Variants in DNHD1 observed in about 807,000 individuals in gnomAD.
DNHD1 encodes dynein heavy chain domain-containing protein 1.
In DNHD1, 383 loss-of-function variants were observed where a neutral mutation model predicts 458.1. The observed-to-expected ratio is 0.84, with a 90% CI of 0.77 to 0.91. The LOEUF is 0.91. Ranked by LOEUF, DNHD1 falls within the 40% of genes least tolerant of loss-of-function variation. DNHD1 has a pLI of 0.00. For synonymous variants in DNHD1, 2,203 were observed against 2,376.9 expected (o/e 0.93, Z 2.13); for missense variants, 5,336 against 5,866.1 (o/e 0.91, Z 2.95).
chr11:6,512,251 C>T (rs549687446), intron 7 of DNHD1, among the ~76,000 whole-genome samples: 73 of 107,378 alleles, frequency 6.8e-4, no homozygotes, highest in South Asian at 3.4e-3. Flanking sequence ...GACGGAGTCT[C>T]GCTCTGTCAC....
At position 6,497,336 on chromosome 11, in the gene DNHD1, G is replaced by A. The variant is rs1449820380; in HGVS notation, c.-529+5G>A. On this transcript the variant is annotated splice_donor_5th_base_variant and intron_variant, in intron 1 of 42. Coordinates refer to ENST00000254579, the MANE Select transcript of DNHD1 (RefSeq NM_144666.3). ...TGGGTGCGGGTGGAGCTGCGGGTGA[G>A]TCCTCGGCTCCGGATCCATTTCTCT... The A allele has an allele frequency of 6.6e-6, 1 of 152,518 alleles. No individual in the cohort carries two copies. The highest frequency in any genetic ancestry group is 1.9e-4 in the East Asian group (1 of 5,188). The allele number at this position is 152,518 out of a possible 1,614,324, so 9.4% of individuals were successfully genotyped here. A position where few individuals can be genotyped will look rare whatever the true frequency, so the allele number is the denominator to read the frequency against.
At position 6,564,075 on chromosome 11, in the gene DNHD1, T is replaced by A; in HGVS notation, c.10235T>A (p.Met3412Lys). Reference protein sequence around the residue: ...AQCGQYHKWPMKAALLTPMRA... With the variant: ...AQCGQYHKWPKKAALLTPMRA... ...TGTGGGCAGTATCACAAATGGCCCA[T>A]GAAGGCTGCACTGCTCACGCCTATG... Residue 3412 changes from methionine (M) to lysine (K), a missense_variant, in exon 31 of 43, where the codon ATG (methionine) becomes AAG (lysine). Around this residue, in one of 4 missense-constraint regions of DNHD1, gnomAD observed 3,932 missense variants for 4,365.6 expected, o/e 0.90. Transcript: ENST00000254579. The A allele has an allele frequency of 6.4e-7, 1 of 1,551,634 alleles. No individual in the cohort carries two copies. The highest frequency in any genetic ancestry group is 8.7e-7 in the Non-Finnish European group (1 of 1,146,996).
rs1254700682 is a variant in DNHD1 at position 6,534,256 on chromosome 11, G to A, written c.2998+83G>A. ...TAAGAGTTGGAACTCAGGGTTCTGT[G>A]TCCTGTATGACCCCAAGCAAGCCTT... On this transcript the variant is annotated intron_variant, in intron 14 of 42. Transcript: ENST00000254579. 19 of 1,400,204 alleles carry A rather than the reference G, an allele frequency of 1.4e-5. No individual in the cohort carries two copies. In the South Asian group the frequency reaches 2.4e-4, roughly 18 times the overall value. The allele number at this position is 1,400,204 out of a possible 1,614,324, so 86.7% of individuals were successfully genotyped here. A position where few individuals can be genotyped will look rare whatever the true frequency, so the allele number is the denominator to read the frequency against.
chr11:6,533,646 G>T, intron 13 of DNHD1, 35 bp from the exon 14 acceptor site: 3 of 1,519,310 alleles, frequency 2.0e-6, no homozygotes, highest in Non-Finnish European at 2.7e-6. Context: ...ACATGGGGTT[G>T]TGGGGCTGCC....
chr11:6,508,740 T>A, intron 4 of DNHD1, 140 bp from the exon 5 acceptor site: 1 of 691,832 alleles, frequency 1.4e-6, no homozygotes. Context: ...TTAAAAATCA[T>A]TCTGCTCTCT....
intron 24 of DNHD1, among the ~76,000 whole-genome samples, chr11:6,554,427 G>A (rs1465395034): frequency 6.6e-6 from 1 of 151,892 alleles, no homozygotes; most frequent in Non-Finnish European, 1.5e-5. Flanking sequence ...TGATTTCTTG[G>A]GCACAAAAAC....
Position 6,533,024 on chromosome 11 carries a change from C to T in DNHD1, c.2348-3C>T. 1 of 1,551,460 alleles carries T rather than the reference C, an allele frequency of 6.4e-7. No homozygotes were observed. Among genetic ancestry groups the T allele is most frequent in the Non-Finnish European group, 8.7e-7 (1 of 1,146,904 alleles). ...CCCTCACACCTTACTCTCCTGTCTC[C>T]AGAATCCAAGCTGAACAGCATAAGG... On this transcript the variant is annotated splice_region_variant and splice_polypyrimidine_tract_variant and intron_variant, in intron 12 of 42. Transcript: ENST00000254579.
chr11:6,569,683 G>A (rs1396445100), intron 39 of DNHD1, among the ~76,000 whole-genome samples: 2 of 152,192 alleles, frequency 1.3e-5, no homozygotes, highest in African/African-American at 2.4e-5. Context: ...AGTCTCCAGG[G>A]AAGAGATTGT....
chr11:6,525,678 A>G (rs570553272), intron 10 of DNHD1, among the ~76,000 whole-genome samples: 2 of 152,336 alleles, frequency 1.3e-5, no homozygotes, highest in East Asian at 1.9e-4. Context: ...TTCTATGTTG[A>G]TAACAATTTG....
rs1283469132 is a variant in DNHD1 at position 6,558,145 on chromosome 11, T to C, written c.8850T>C (p.Asp2950=). 4 of 1,551,668 alleles carry C rather than the reference T, an allele frequency of 2.6e-6. No individual in the cohort carries two copies. The highest frequency in any genetic ancestry group is 3.5e-6 in the Non-Finnish European group (4 of 1,146,984). The change falls in exon 25 of 43, where the codon GAT becomes GAC. Residue 2950 remains aspartate, a synonymous_variant. Transcript: ENST00000254579. The part of the protein sequence containing the change: ...PVALLVPSGV[D]LTTLHRLLAL... The stretch of plus-strand genomic sequence containing the variant: ...CTCTGTTGGTACCCAGTGGTGTGGA[T>C]CTCACTACACTTCATCGCCTCCTGG...
chr11:6,564,678 C>T lies in DNHD1; in HGVS notation c.10630C>T (p.Pro3544Ser), dbSNP rs1279076746. 2 of 1,551,576 alleles carry T rather than the reference C, an allele frequency of 1.3e-6. No individual in the cohort carries two copies. The highest frequency in any genetic ancestry group is 1.4e-5 in the African/African-American group (1 of 73,058). The change falls in exon 32 of 43, where the codon CCC (proline) becomes TCC (serine). Residue 3544 changes from proline to serine, a missense_variant. Pro to Ser is a moderately conservative substitution (Grantham distance 74). This residue lies in a region of DNHD1 where 3,932 missense variants were observed against 4,365.6 expected (regional missense o/e 0.90). Transcript: ENST00000254579. ...AHLAGLLLRSPTHYSSCRWPL... is the reference protein window; with the variant it reads ...AHLAGLLLRSSTHYSSCRWPL... ...CCTGGCAGGCTTGCTTCTGCGAAGC[C>T]CCACACACTACAGTAGTTGCCGTTG...
chr11:6,566,674 T>G lies in DNHD1; in HGVS notation c.11294T>G (p.Ile3765Ser). 1 of 1,613,486 alleles carries G rather than the reference T, an allele frequency of 6.2e-7. No individual in the cohort carries two copies. The highest frequency in any genetic ancestry group is 8.5e-7 in the Non-Finnish European group (1 of 1,179,694). Residue 3765 changes from isoleucine (I) to serine (S), a missense_variant, in exon 35 of 43, where the codon ATC becomes AGC. This residue lies in a region of DNHD1 where 695 missense variants were observed against 804.2 expected (regional missense o/e 0.86). Transcript: ENST00000254579. ...CTGGAAGAACAGATGCTGCATGAAA[T>G]CTTGTGCAGAGAGTATCCTGAACTC... ...EILEEQMLHE[I>S]LCREYPELET...
chr11:6,521,415 T>C (rs1852601426), intron 10 of DNHD1, among the ~76,000 whole-genome samples: 1 of 152,232 alleles, frequency 6.6e-6, no homozygotes, highest in Non-Finnish European at 1.5e-5. Flanking sequence ...TTCTAAATTC[T>C]AGTGAAGCTG....
rs368495758 is a variant in DNHD1, at chr11:6,567,694, G to C, written c.12185G>C (p.Ser4062Thr). ...LAGALADFTT[S>T]LLGRPLDENT... The stretch of plus-strand genomic sequence containing the variant: ...GGTGCCCTGGCAGACTTCACCACTA[G>C]CCTCCTGGGTCGGCCCCTGGATGAA... Residue 4062 changes from serine (S) to threonine (T), a missense_variant, in exon 36 of 43, where the codon AGC becomes ACC. Physicochemically the swap from Ser to Thr is moderately conservative, Grantham distance 58. This residue lies in a region of DNHD1 where 695 missense variants were observed against 804.2 expected (regional missense o/e 0.86). Coordinates refer to ENST00000254579, the MANE Select transcript of DNHD1 (RefSeq NM_144666.3). 7.4e-6 allele frequency: 12 copies of C among 1,613,794 alleles called. No homozygotes were observed. In the Middle Eastern group the frequency reaches 4.9e-4, roughly 66 times the overall value.
In DNHD1 at chr11:6,546,389, A is replaced by G. The variant is rs2134430237; in HGVS notation, c.5450A>G (p.Asn1817Ser). 6.4e-7 allele frequency: 1 copy of G among 1,552,004 alleles called. No homozygotes were observed. The highest frequency in any genetic ancestry group is 8.7e-7 in the Non-Finnish European group (1 of 1,147,040). ...LRALSSAVPA[N>S]LHLLLRPVAL... ...GCCCTGAGCTCTGCTGTGCCTGCCAACCTGCACCTGCTGCTGCGGCCTGTG... is the reference window on the plus strand; with the variant it reads ...GCCCTGAGCTCTGCTGTGCCTGCCAGCCTGCACCTGCTGCTGCGGCCTGTG... The change falls in exon 21 of 43, where the codon AAC (asparagine) becomes AGC (serine). Residue 1817 changes from asparagine (N) to serine (S), a missense_variant. By Grantham distance (46) the Asn-to-Ser change is conservative (BLOSUM62 1). Around this residue, in one of 4 missense-constraint regions of DNHD1, gnomAD observed 3,932 missense variants for 4,365.6 expected, o/e 0.90. Coordinates refer to ENST00000254579, the MANE Select transcript of DNHD1 (RefSeq NM_144666.3).
Position 6,568,187 on chromosome 11 carries a change from CCA to C in DNHD1, c.12484_12485del (p.His4162LeufsTer32). ...TGCTGGACAACTGTCATCTGATGCCCCATTGGCCGAAAGAGCTGCTACAGCTC... is the reference window on the plus strand; with the variant it reads ...TGCTGGACAACTGTCATCTGATGCCCTTGGCCGAAAGAGCTGCTACAGCTC... Reference protein sequence around the residue: ...LVLDNCHLMPHWPKELLQLLL... With the variant: ...LVLDNCHLMPXWPKELLQLLL... On this transcript the variant is annotated frameshift_variant, in exon 37 of 43. Transcript: ENST00000254579. LOFTEE classifies it high-confidence loss of function. 2 of 1,552,648 alleles carry C rather than the reference CCA, an allele frequency of 1.3e-6. No individual in the cohort carries two copies. Among genetic ancestry groups the C allele is most frequent in the Non-Finnish European group, 1.7e-6 (2 of 1,147,430 alleles).
intron 14 of DNHD1, chr11:6,534,374 T>TG: frequency 1.7e-6 from 1 of 571,724 alleles, no homozygotes; most frequent in Non-Finnish European, 3.0e-6. Flanking sequence ...GTGCTTAGGG[T>TG]GGGGGTATGG....
At chr11:6,538,298 CATT>C in intron 14 of DNHD1, 82 bp from the exon 15 acceptor site, 2 of 1,317,002 alleles carry the variant, frequency 1.5e-6, no homozygotes, top group Admixed American at 4.1e-5. Flanking sequence ...TACCTTCTGT[CATT>C]ATGGGCTCTT....
In DNHD1 at chr11:6,557,217, G is replaced by A. The variant is rs373072664; in HGVS notation, c.7922G>A (p.Arg2641His). ...GTCLTVMMAT[R>H]NVVRLWLHEA... ...TGTCTGACCGTTATGATGGCCACACGCAATGTGGTGCGTCTTTGGTTGCAT... is the reference window on the plus strand; with the variant it reads ...TGTCTGACCGTTATGATGGCCACACACAATGTGGTGCGTCTTTGGTTGCAT... Residue 2641 changes from arginine to histidine, a missense_variant, in exon 25 of 43, where the codon CGC (arginine) becomes CAC (histidine). Physicochemically the swap from Arg to His is conservative, Grantham distance 29. Around this residue, in one of 4 missense-constraint regions of DNHD1, gnomAD observed 3,932 missense variants for 4,365.6 expected, o/e 0.90. Transcript: ENST00000254579. 285 of 1,551,580 alleles carry A rather than the reference G, an allele frequency of 1.8e-4. No individual in the cohort carries two copies. The highest frequency in any genetic ancestry group is 2.3e-4 in the Non-Finnish European group (265 of 1,147,010).
Sources: gnomAD v4.1 joint callset for allele counts (sites outside exome capture counted in the v4.1 genomes callset) on GRCh38, gnomAD v4.1.1 for gene constraint, gnomAD v4.1.1 regional missense constraint, MANE v1.5 for transcripts, NCBI Gene and HGNC (gene_info 2026-07-23, HGNC 2026-07-21) for gene names.